The following THSD7B variants were observed in gnomAD, a reference collection of about 807,000 sequenced individuals.
The protein encoded by THSD7B is thrombospondin type 1 domain containing 7B, also known as thrombospondin type-1 domain-containing protein 7B.
THSD7B carries 138 observed loss-of-function variants against 213.6 expected under a neutral mutation model. The observed-to-expected ratio is 0.65, with a 90% confidence interval of 0.56 to 0.74. THSD7B has a LOEUF of 0.74. THSD7B is among the 30% of genes least tolerant of loss of function. THSD7B has a pLI of 0.00. For synonymous variants in THSD7B, 742 were observed against 687.0 expected (o/e 1.08, Z -1.25); for missense variants, 1,931 against 1,991.5 (o/e 0.97, Z 0.58).
intron 15 of THSD7B, among the ~76,000 whole-genome samples, chr2:137,530,957 C>T (rs969871030): frequency 1.3e-5 from 2 of 151,968 alleles, no homozygotes; most frequent in African/African-American, 4.8e-5. Flanking sequence ...TAACATTGAT[C>T]AGTTCTCGAA....
chr2:136,948,935 C>T (rs1449239801), intron 2 of THSD7B, among the ~76,000 whole-genome samples: 19 of 152,124 alleles, frequency 1.2e-4, no homozygotes, highest in Non-Finnish European at 7.3e-5. Context: ...TTAGAATTCA[C>T]TGAGTCTGTT....
chr2:136,924,025 G>A (rs1684481391), intron 2 of THSD7B, among the ~76,000 whole-genome samples: 1 of 152,156 alleles, frequency 6.6e-6, no homozygotes, highest in African/African-American at 2.4e-5. Flanking sequence ...AGAAATCATT[G>A]CCAAATCCAG....
chr2:137,016,001 C>CAAGCTGGCTGCAGA (rs1686332848), intron 2 of THSD7B, among the ~76,000 whole-genome samples: 1 of 152,126 alleles, frequency 6.6e-6, no homozygotes, highest in Non-Finnish European at 1.5e-5. Context: ...CAGAATAATT[C>CAAGCTGGCTGCAGA]AATTTGCATA....
At chr2:136,890,360 T>C (rs779498389) in intron 2 of THSD7B, among the ~76,000 whole-genome samples, 458 of 5,324 alleles carry the variant, frequency 0.086, 3 homozygotes, top group South Asian at 0.12. Context: ...TTCTTCTTCT[T>C]CTTCTTCTTC....
At chr2:136,924,848 G>A in intron 2 of THSD7B, among the ~76,000 whole-genome samples, 1 of 151,954 alleles carries the variant, frequency 6.6e-6, no homozygotes, top group East Asian at 1.9e-4. Flanking sequence ...ATTTCTTTTA[G>A]CAATGGTTTG....
rs958104932 is a variant in THSD7B at position 137,056,534 on chromosome 2, A to G, written c.254A>G (p.Asn85Ser). ...TSHLSNCGES[N>S]RPPKERSCFR... ...CACCTGTCTAACTGTGGTGAGAGCA[A>G]CAGGCCTCCAAAGGAAAGAAGTTGT... is the stretch of plus-strand genomic sequence containing the variant. Residue 85 changes from asparagine (N) to serine (S), a missense_variant, in exon 3 of 28, where the codon AAC becomes AGC. Coordinates refer to ENST00000409968, the MANE Select transcript of THSD7B (RefSeq NM_001316349.2). 2 of 1,613,864 alleles carry G rather than the reference A, an allele frequency of 1.2e-6. No individual in the cohort carries two copies. The highest frequency in any genetic ancestry group is 2.7e-5 in the African/African-American group (2 of 74,918).
At chr2:137,530,620 C>T (rs1680378759) in intron 15 of THSD7B, among the ~76,000 whole-genome samples, 1 of 151,906 alleles carries the variant, frequency 6.6e-6, no homozygotes, top group African/African-American at 2.4e-5. Flanking sequence ...GAAGGGCACA[C>T]AACTGCAGGC....
In THSD7B at chr2:137,232,933, A is replaced by G; in HGVS notation, c.1950A>G (p.Gln650=). ...GKPCPPSQAL[Q]EHRLCNDHSC... The stretch of plus-strand genomic sequence containing the variant: ...CATGTCCCCCTAGTCAGGCTCTCCA[A>G]GAGCATCGTTTGTGTAATGACCATT... Residue 650 remains glutamine (Q), a synonymous_variant, in exon 9 of 28, where the codon CAA becomes CAG. Transcript: ENST00000409968. 6.2e-7 allele frequency: 1 copy of G among 1,613,968 alleles called. No individual in the cohort carries two copies. Among genetic ancestry groups the G allele is most frequent in the Non-Finnish European group, 8.5e-7 (1 of 1,179,822 alleles).
At chr2:137,144,309 A>G (rs1263868322) in intron 5 of THSD7B, among the ~76,000 whole-genome samples, 1 of 152,122 alleles carries the variant, frequency 6.6e-6, no homozygotes, top group Non-Finnish European at 1.5e-5. Flanking sequence ...TCTCAAATAT[A>G]CATCAAATTG....
intron 2 of THSD7B, among the ~76,000 whole-genome samples, chr2:137,015,636 T>C (rs1432243): frequency 0.83 from 126,759 of 152,122 alleles, 53,233 homozygotes; most frequent in East Asian, 1. Context: ...GTAATTGCTG[T>C]CTTCCTGGTG....
At chr2:137,287,088 A>G (rs1452482780) in intron 12 of THSD7B, among the ~76,000 whole-genome samples, 1 of 152,118 alleles carries the variant, frequency 6.6e-6, no homozygotes, top group Non-Finnish European at 1.5e-5. Context: ...ATATTTTTGT[A>G]TTATTTATTA....
At chr2:136,825,280 T>C (rs1018151418) in intron 1 of THSD7B, among the ~76,000 whole-genome samples, 3 of 152,166 alleles carry the variant, frequency 2.0e-5, no homozygotes, top group Non-Finnish European at 4.4e-5. Flanking sequence ...AAAACAAATT[T>C]ATTATCTTAT....
chr2:137,215,434 T>C (rs1681214042), intron 7 of THSD7B, among the ~76,000 whole-genome samples: 3 of 152,166 alleles, frequency 2.0e-5, no homozygotes, highest in Admixed American at 6.5e-5. Flanking sequence ...AAAACTGTGA[T>C]AATCAATTCT....
Position 137,170,790 on chromosome 2 carries a change from A to G in THSD7B, c.1575A>G (p.Ala525=). The G allele has an allele frequency of 6.2e-7, 1 of 1,613,714 alleles. No homozygotes were observed. The highest frequency in any genetic ancestry group is 8.5e-7 in the Non-Finnish European group (1 of 1,179,732). Reference sequence around the variant, plus strand: ...TCCTCATGGAATCTACAGGGCCTGCAGGGCATTGCCCTCATTTGGTGGAGT... The same window carrying G: ...TCCTCATGGAATCTACAGGGCCTGCGGGGCATTGCCCTCATTTGGTGGAGT... ...RHVLMESTGP[A]GHCPHLVESV... Residue 525 remains alanine, a synonymous_variant, in exon 7 of 28, where the codon GCA becomes GCG. Transcript: ENST00000409968.
intron 1 of THSD7B, among the ~76,000 whole-genome samples, chr2:136,792,663 T>A (rs1428002490): frequency 1.3e-5 from 2 of 151,936 alleles, no homozygotes; most frequent in Admixed American, 1.3e-4. Context: ...CTAAAACTGC[T>A]CTAAAAAATA....
Position 137,467,767 on chromosome 2 carries a change from C to G in THSD7B, c.3138+16744C>G, listed in dbSNP as rs534368096. On this transcript the variant is annotated intron_variant, in intron 15 of 27. Coordinates refer to ENST00000409968, the MANE Select transcript of THSD7B (RefSeq NM_001316349.2). ...CTATGAGGATGCAAGTTGCATTGAC[C>G]AGGGCTCTTCCTTGACACTTACATT... Among the ~76,000 whole-genome samples, 5 of 152,156 alleles carry G rather than the reference C, an allele frequency of 3.3e-5. No homozygotes were observed. The South Asian group carries it at 1.0e-3, about 32-fold the overall frequency.
intron 1 of THSD7B, among the ~76,000 whole-genome samples, chr2:136,775,055 G>A (rs952132285): frequency 6.6e-6 from 1 of 152,056 alleles, no homozygotes; most frequent in Non-Finnish European, 1.5e-5. Flanking sequence ...GTCTACCTAT[G>A]GAGATATGAC....
chr2:136,799,133 T>C (rs910411464), intron 1 of THSD7B, among the ~76,000 whole-genome samples: 9 of 152,054 alleles, frequency 5.9e-5, no homozygotes, highest in African/African-American at 1.7e-4. Flanking sequence ...AGATTTGCTA[T>C]GTAACACTTC....
intron 1 of THSD7B, among the ~76,000 whole-genome samples, chr2:136,837,483 C>T (rs1266318821): frequency 6.6e-6 from 1 of 152,230 alleles, no homozygotes; most frequent in East Asian, 1.9e-4. Context: ...AGCTGCAAGG[C>T]TTCCTTCCTC....
Sources: allele counts gnomAD v4.1 joint callset (sites outside exome capture counted in the v4.1 genomes callset), GRCh38; gene constraint gnomAD v4.1.1; transcripts MANE v1.5; gene names NCBI Gene and HGNC (gene_info 2026-07-23, HGNC 2026-07-21).